TMEM87B: variants seen among roughly 807,000 people sequenced by gnomAD.
The protein encoded by TMEM87B is transmembrane protein 87B.
A neutral mutation model predicts 80.3 loss-of-function variants in TMEM87B; 83 were observed. The ratio of observed to expected loss-of-function variants is 1.03; its 90% CI spans 0.87 to 1.24. The LOEUF (loss-of-function observed/expected upper bound fraction) is 1.24. Ranked by LOEUF, TMEM87B falls within the 50% of genes most tolerant of loss-of-function variation. The pLI, the probability that TMEM87B is intolerant of heterozygous loss-of-function variation, is 0.00. For synonymous variants in TMEM87B, 219 were observed against 230.5 expected (o/e 0.95, Z 0.45); for missense variants, 625 against 674.4 (o/e 0.93, Z 0.81).
intron 13 of TMEM87B, 45 bp from the exon 14 acceptor site, chr2:112,098,550 T>C: frequency 6.3e-7 from 1 of 1,576,444 alleles, no homozygotes; most frequent in Non-Finnish European, 8.7e-7. Flanking sequence ...ACCTATATGC[T>C]TATCAGAAAA....
chr2:112,089,715 TG>T lies in TMEM87B; in HGVS notation c.1032+1del. The T allele has an allele frequency of 6.2e-7, 1 of 1,614,046 alleles. No individual in the cohort carries two copies. Among genetic ancestry groups the T allele is most frequent in the Non-Finnish European group, 8.5e-7 (1 of 1,179,894 alleles). On this transcript the variant is annotated frameshift_variant and splice_region_variant, in exon 10 of 19. Coordinates refer to ENST00000283206, the MANE Select transcript of TMEM87B (RefSeq NM_032824.3). LOFTEE classifies it high-confidence loss of function. ...AAVEGVMRVI[G>X]GSNHLAVVLD... ...CTGTTGAAGGCGTGATGAGAGTCAT[TG>T]GGGTAAAAACTACATTATTCTACCA...
At chr2:112,097,478 G>A (rs1243308731) in intron 13 of TMEM87B, among the ~76,000 whole-genome samples, 187 bp downstream of exon 13, 1 of 152,088 alleles carries the variant, frequency 6.6e-6, no homozygotes, top group Non-Finnish European at 1.5e-5. Context: ...TGTAATCTCA[G>A]CACTCTGGGA....
At position 112,064,019 on chromosome 2, in the gene TMEM87B, A is replaced by G. The variant is rs887282992; in HGVS notation, c.227-143A>G. Reference sequence around the variant, plus strand: ...AATGAATTTATCTGTCTCACTTTACAGTGACTTTTTGGAGAAATTAGCTAA... The same window carrying G: ...AATGAATTTATCTGTCTCACTTTACGGTGACTTTTTGGAGAAATTAGCTAA... On this transcript the variant is annotated intron_variant, in intron 2 of 18. Transcript: ENST00000283206. 52 of 632,406 alleles carry G rather than the reference A, an allele frequency of 8.2e-5. No homozygotes were observed. In the South Asian group the frequency reaches 9.0e-4, roughly 11 times the overall value. The allele number at this position is 632,406 out of a possible 1,614,324, so 39.2% of individuals were successfully genotyped here. A position where few individuals can be genotyped will look rare whatever the true frequency, so the allele number is the denominator to read the frequency against.
At position 112,055,328 on chromosome 2, in the gene TMEM87B, T is replaced by G; in HGVS notation, c.-264T>G. 2.0e-6 allele frequency: 1 copy of G among 492,786 alleles called. No individual in the cohort carries two copies. 30.5% of individuals were successfully genotyped at this position (492,786 alleles called of 1,614,324 possible). ...TCCACGTCTCGCCGCCAACTCCACA[T>G]CCTGGCTCCTATCTCTGCCTTCCAG... On this transcript the variant is annotated 5_prime_UTR_variant, in exon 1 of 19. Coordinates refer to ENST00000283206, the MANE Select transcript of TMEM87B (RefSeq NM_032824.3).
chr2:112,101,528 G>A (rs576071589), intron 15 of TMEM87B, among the ~76,000 whole-genome samples: 1 of 152,100 alleles, frequency 6.6e-6, no homozygotes, highest in Non-Finnish European at 1.5e-5. Context: ...CTTAACTACT[G>A]ATAGTCAACT....
chr2:112,098,374 A>G (rs1679533692), intron 13 of TMEM87B, among the ~76,000 whole-genome samples: 1 of 152,218 alleles, frequency 6.6e-6, no homozygotes. Flanking sequence ...TCTTTCTGTT[A>G]ACCCAAAAAT....
intron 10 of TMEM87B, among the ~76,000 whole-genome samples, chr2:112,091,332 C>G (rs919838985): frequency 6.6e-6 from 1 of 152,150 alleles, no homozygotes; most frequent in African/African-American, 2.4e-5. Context: ...TGGATCCCCC[C>G]CTTCACTTTT....
chr2:112,112,057 TC>T (rs946360160), intron 17 of TMEM87B, among the ~76,000 whole-genome samples: 21 of 152,262 alleles, frequency 1.4e-4, no homozygotes, highest in African/African-American at 4.8e-4. Context: ...CTTGCCTCCT[TC>T]CTCACACCTA....
chr2:112,055,580 T>C lies in TMEM87B; in HGVS notation c.-12T>C. On this transcript the variant is annotated 5_prime_UTR_variant, in exon 1 of 19. Transcript: ENST00000283206. ...GGCGTCTCGGAGCGCCAGGTGCAGC[T>C]TCCTGGTCAAGATGGTCGCCGCCTG... The C allele has an allele frequency of 6.6e-7, 1 of 1,506,132 alleles. No homozygotes were observed. The highest frequency in any genetic ancestry group is 8.8e-7 in the Non-Finnish European group (1 of 1,130,792). The allele number at this position is 1,506,132 out of a possible 1,614,324, so 93.3% of individuals were successfully genotyped here.
chr2:112,095,464 C>G lies in TMEM87B; in HGVS notation c.1105-1580C>G, dbSNP rs531421232. On this transcript the variant is annotated intron_variant, in intron 11 of 18. Transcript: ENST00000283206. ...GGCAATTTCAAATTTACTTTTTATT[C>G]CTTAGCTTAAAAACATTTTTTTAAA... The G allele has an allele frequency of 1.2e-5, 12 of 976,880 alleles. No homozygotes were observed. The South Asian group carries it at 5.2e-4, about 42-fold the overall frequency. 60.5% of individuals were successfully genotyped at this position (976,880 alleles called of 1,614,324 possible).
chr2:112,074,902 T>C lies in TMEM87B; in HGVS notation c.451-10T>C. The C allele has an allele frequency of 6.4e-7, 1 of 1,565,602 alleles. No individual in the cohort carries two copies. The highest frequency in any genetic ancestry group is 8.7e-7 in the Non-Finnish European group (1 of 1,153,150). On this transcript the variant is annotated splice_polypyrimidine_tract_variant and intron_variant, in intron 4 of 18. Transcript: ENST00000283206. ...CAGTATAAAATGGCATTATTTACTC[T>C]TTTTTCCAGAATAAAGAACTAATAA...
At chr2:112,085,682 T>A (rs769111747) in intron 8 of TMEM87B, among the ~76,000 whole-genome samples, 10 of 152,190 alleles carry the variant, frequency 6.6e-5, no homozygotes, top group Non-Finnish European at 1.5e-4. Context: ...ATGTTGTGGT[T>A]TTTAAATATT....
rs1430755452 is a variant in TMEM87B, at chr2:112,097,222, G to A, written c.1214-11G>A. The A allele has an allele frequency of 1.9e-6, 3 of 1,604,630 alleles. No individual in the cohort carries two copies. The highest frequency in any genetic ancestry group is 2.2e-5 in the East Asian group (1 of 44,640). On this transcript the variant is annotated splice_polypyrimidine_tract_variant and intron_variant, in intron 12 of 18. Transcript: ENST00000283206. ...TATATTCCTTCAAAGGTGACTTTTT[G>A]TGTGTTTCAGCTTCTATAGTGTTTA...
At chr2:112,102,216 T>C (rs181618478) in intron 15 of TMEM87B, among the ~76,000 whole-genome samples, 1 of 152,254 alleles carries the variant, frequency 6.6e-6, no homozygotes, top group African/African-American at 2.4e-5. Flanking sequence ...AGACCAAAAA[T>C]TATAGACCAC....
chr2:112,070,828 T>C (rs1049004865), intron 4 of TMEM87B, among the ~76,000 whole-genome samples: 5 of 151,700 alleles, frequency 3.3e-5, no homozygotes, highest in African/African-American at 4.8e-5. Context: ...CTTTTTTTTT[T>C]TTCTTTTTTT....
At chr2:112,074,699 G>A (rs1487977119) in intron 4 of TMEM87B, among the ~76,000 whole-genome samples, 1 of 152,140 alleles carries the variant, frequency 6.6e-6, no homozygotes, top group Admixed American at 6.5e-5. Flanking sequence ...AGGAGTGTCA[G>A]TGAGTCATAG....
intron 11 of TMEM87B, 46 bp from the exon 12 acceptor site, chr2:112,096,998 T>G (rs763312376): frequency 7.9e-7 from 1 of 1,269,522 alleles, no homozygotes; most frequent in Non-Finnish European, 1.1e-6. Flanking sequence ...TTTTTTTTTT[T>G]AACCTCTTAT....
rs1357490948 is a variant in TMEM87B at position 112,059,991 on chromosome 2, G to C, written c.180G>C (p.Leu60Phe). 2 of 1,592,596 alleles carry C rather than the reference G, an allele frequency of 1.3e-6. No individual in the cohort carries two copies. Among genetic ancestry groups the C allele is most frequent in the Admixed American group, 3.4e-5 (2 of 58,192 alleles). ...LETVNDKSGP[L>F]IFRKTMFNST... ...TTTCATTTTAGAAATCAGGACCTTT[G>C]ATATTTAGGAAAACTATGTTTAACT... Residue 60 changes from leucine to phenylalanine, a missense_variant, in exon 2 of 19, where the codon TTG (leucine) becomes TTC (phenylalanine). Coordinates refer to ENST00000283206, the MANE Select transcript of TMEM87B (RefSeq NM_032824.3).
In TMEM87B at chr2:112,117,580, G is replaced by T. The variant is rs1361286867; in HGVS notation, c.*1437G>T. On this transcript the variant is annotated 3_prime_UTR_variant, in exon 19 of 19. Transcript: ENST00000283206. ...ATGTGTTTTCAGTCGTGACCATGTG[G>T]AAAGTGAACAGTGTTGGCAAACATT... 6.6e-6 allele frequency: 1 copy of T among 151,968 alleles called. No individual in the cohort carries two copies. Among genetic ancestry groups the T allele is most frequent in the Non-Finnish European group, 1.5e-5 (1 of 68,004 alleles). 9.4% of individuals were successfully genotyped at this position (151,968 alleles called of 1,614,324 possible). A position where few individuals can be genotyped will look rare whatever the true frequency, so the allele number is the denominator to read the frequency against.
Sources: allele counts gnomAD v4.1 joint callset (sites outside exome capture counted in the v4.1 genomes callset), GRCh38; gene constraint gnomAD v4.1.1; transcripts MANE v1.5; gene names NCBI Gene and HGNC (gene_info 2026-07-23, HGNC 2026-07-21).